Variants in ENPP7 observed in about 807,000 individuals in gnomAD.
ENPP7 encodes ectonucleotide pyrophosphatase/phosphodiesterase family member 7.
Under a neutral mutation model 33.6 loss-of-function variants are expected in ENPP7, and 39 were observed. That is an observed-to-expected ratio of 1.16 (90% CI 0.90 to 1.52). The LOEUF (loss-of-function observed/expected upper bound fraction) is 1.52. Among genes scored for constraint, ENPP7 ranks in the 40% most tolerant of loss-of-function variants. ENPP7 has a pLI of 0.00. For missense variants in ENPP7, 594 were observed against 641.0 expected, an observed-to-expected ratio of 0.93 and a Z score of 0.79; for synonymous variants, 244 against 274.3, an observed-to-expected ratio of 0.89 and a Z score of 1.09.
rs11654798 is a variant in ENPP7, at chr17:79,736,537, G to A, written c.1027-504G>A. Among the ~76,000 whole-genome samples the A allele has an allele frequency of 0.016, 467 of 28,538 alleles. 2 individuals are homozygous for A. In the African/African-American group the frequency reaches 0.23, roughly 14 times the overall value. 18.7% of individuals were successfully genotyped at this position (28,538 alleles called of 152,430 possible). A position where few individuals can be genotyped will look rare whatever the true frequency, so the allele number is the denominator to read the frequency against. ...CATGACCAGGCACTGTGTGATAGGCGTGTGTGTGTGTGTGTGTGTGTGTGT... is the reference window on the plus strand; with the variant it reads ...CATGACCAGGCACTGTGTGATAGGCATGTGTGTGTGTGTGTGTGTGTGTGT... On this transcript the variant is annotated intron_variant, in intron 3 of 5. Coordinates refer to ENST00000328313, the MANE Select transcript of ENPP7 (RefSeq NM_178543.5).
In ENPP7 at chr17:79,735,212, TG is replaced by T. The variant is rs782414486; in HGVS notation, c.571del (p.Val191SerfsTer51). 14 of 1,613,272 alleles carry T rather than the reference TG, an allele frequency of 8.7e-6. No individual in the cohort carries two copies. The highest frequency in any genetic ancestry group is 1.2e-5 in the Non-Finnish European group (14 of 1,180,014). On this transcript the variant is annotated frameshift_variant, in exon 3 of 6. Coordinates refer to ENST00000328313, the MANE Select transcript of ENPP7 (RefSeq NM_178543.5). LOFTEE classifies it high-confidence loss of function. The surrounding 1 kb of genome is among the most constrained non-coding windows in gnomAD (Gnocchi z 5.5). ...MAWFTEEDLDLVTLYFGEPDS... is the reference protein window; with the variant it reads ...MAWFTEEDLDXVTLYFGEPDS... ...TGGTTCACAGAGGAGGACCTGGATC[TG>T]GTCACACTCTACTTCGGGGAGCCGG...
Position 79,735,135 on chromosome 17 carries a change from C to T in ENPP7, c.492C>T (p.His164=). ...GGAGCCGGAAAGAAGGCATCGCACA[C>T]AACTACAAAAATGAGACGGAGTGGA... The part of the protein sequence containing the change: ...VTRSRKEGIA[H]NYKNETEWRA... The change falls in exon 3 of 6, where the codon CAC becomes CAT. Residue 164 remains histidine, a synonymous_variant. Coordinates refer to ENST00000328313, the MANE Select transcript of ENPP7 (RefSeq NM_178543.5). This position sits in a 1 kb window ranked among gnomAD's most constrained non-coding sequence, Gnocchi z 5.5. The T allele has an allele frequency of 6.2e-7, 1 of 1,613,176 alleles. No individual in the cohort carries two copies. Among genetic ancestry groups the T allele is most frequent in the South Asian group, 1.1e-5 (1 of 91,082 alleles).
At position 79,737,327 on chromosome 17, in the gene ENPP7, G is replaced by A. The variant is rs538388400; in HGVS notation, c.1246+67G>A. The A allele has an allele frequency of 7.4e-6, 10 of 1,357,760 alleles. No homozygotes were observed. The South Asian group carries it at 1.1e-4, about 15-fold the overall frequency. The allele number at this position is 1,357,760 out of a possible 1,614,324, so 84.1% of individuals were successfully genotyped here. A position where few individuals can be genotyped will look rare whatever the true frequency, so the allele number is the denominator to read the frequency against. Reference sequence around the variant, plus strand: ...TACACGTGTGCACACGAGGGTGCCTGCATGCCTGTGACCAGGACACCCTTG... The same window carrying A: ...TACACGTGTGCACACGAGGGTGCCTACATGCCTGTGACCAGGACACCCTTG... On this transcript the variant is annotated intron_variant, in intron 4 of 5. Coordinates refer to ENST00000328313, the MANE Select transcript of ENPP7 (RefSeq NM_178543.5). The surrounding 1 kb of genome is among the most constrained non-coding windows in gnomAD (Gnocchi z 5.5).
chr17:79,740,539 A>G (rs1325523133), intron 5 of ENPP7, among the ~76,000 whole-genome samples: 1 of 152,234 alleles, frequency 6.6e-6, no homozygotes, highest in African/African-American at 2.4e-5. Flanking sequence ...TAAGGTTTCC[A>G]TGGCGCTAGA....
chr17:79,735,709 T>A lies in ENPP7; in HGVS notation c.1026+40T>A, dbSNP rs782460538. The A allele has an allele frequency of 1.4e-5, 22 of 1,537,094 alleles. No individual in the cohort carries two copies. In the South Asian group the frequency reaches 2.4e-4, roughly 17 times the overall value. On this transcript the variant is annotated intron_variant, in intron 3 of 5. Coordinates refer to ENST00000328313, the MANE Select transcript of ENPP7 (RefSeq NM_178543.5). The surrounding 1 kb of genome is among the most constrained non-coding windows in gnomAD (Gnocchi z 5.5). ...GGAGGCACCACCTCCAGGGGCTCCC[T>A]CCCCAGGCTCTGGGTCTTCTTTTTT...
At chr17:79,732,255 T>C (rs1375539002) in intron 1 of ENPP7, among the ~76,000 whole-genome samples, 4 of 149,216 alleles carry the variant, frequency 2.7e-5, no homozygotes, top group African/African-American at 9.9e-5. Flanking sequence ...CCAGCCTGGG[T>C]GACAGAGCAA....
At chr17:79,736,556 T>TAC (rs2094296270) in intron 3 of ENPP7, among the ~76,000 whole-genome samples, 2 of 147,628 alleles carry the variant, frequency 1.4e-5, no homozygotes, top group African/African-American at 4.9e-5. Context: ...TGTGTGTGTG[T>TAC]GTGTGTGTGT....
In ENPP7 at chr17:79,737,919, C is replaced by G. The variant is rs782484935; in HGVS notation, c.1250C>G (p.Ser417Cys). 2.1e-5 allele frequency: 34 copies of G among 1,613,662 alleles called. No homozygotes were observed. Among genetic ancestry groups the G allele is most frequent in the Middle Eastern group, 3.3e-4 (2 of 6,076 alleles). ...ATLLPMLHTESALPPDGRPTL... is the reference protein window; with the variant it reads ...ATLLPMLHTECALPPDGRPTL... ...CAGGTCCTCTGGCTTTCCTTAGAAT[C>G]TGCTCTTCCGCCTGATGGAAGGCCT... Residue 417 changes from serine to cysteine, a missense_variant, in exon 5 of 6, where the codon TCT becomes TGT. Physicochemically the swap from Ser to Cys is moderately radical, Grantham distance 112. Coordinates refer to ENST00000328313, the MANE Select transcript of ENPP7 (RefSeq NM_178543.5). The surrounding 1 kb of genome is among the most constrained non-coding windows in gnomAD (Gnocchi z 5.5).
rs200958461 is a variant in ENPP7, at chr17:79,735,081, C to T, written c.438C>T (p.Asn146=). 2.2e-5 allele frequency: 35 copies of T among 1,612,900 alleles called. No homozygotes were observed. The South Asian group carries it at 2.2e-4, about 10-fold the overall frequency. ...RAGSFFYPGG[N]VTYQGVAVTR... ...GCTCCTTCTTCTACCCGGGCGGGAACGTCACCTACCAAGGGGTGGCTGTGA... is the reference window on the plus strand; with the variant it reads ...GCTCCTTCTTCTACCCGGGCGGGAATGTCACCTACCAAGGGGTGGCTGTGA... Residue 146 remains asparagine (N), a synonymous_variant, in exon 3 of 6, where the codon AAC becomes AAT. Transcript: ENST00000328313. The surrounding 1 kb of genome is among the most constrained non-coding windows in gnomAD (Gnocchi z 5.5).
chr17:79,740,208 C>A (rs1205293401), intron 5 of ENPP7, among the ~76,000 whole-genome samples: 1 of 152,056 alleles, frequency 6.6e-6, no homozygotes, highest in Non-Finnish European at 1.5e-5. Flanking sequence ...CAAAATAAAT[C>A]AATGAAAGAG....
chr17:79,735,726 T>G lies in ENPP7; in HGVS notation c.1026+57T>G, dbSNP rs2094294541. On this transcript the variant is annotated intron_variant, in intron 3 of 5. Coordinates refer to ENST00000328313, the MANE Select transcript of ENPP7 (RefSeq NM_178543.5). The surrounding 1 kb of genome is among the most constrained non-coding windows in gnomAD (Gnocchi z 5.5). ...GGGCTCCCTCCCCAGGCTCTGGGTC[T>G]TCTTTTTTTTTTTTTGAGACCAGGG... 6.7e-7 allele frequency: 1 copy of G among 1,487,088 alleles called. No individual in the cohort carries two copies. 92.1% of individuals were successfully genotyped at this position (1,487,088 alleles called of 1,614,324 possible). A position where few individuals can be genotyped will look rare whatever the true frequency, so the allele number is the denominator to read the frequency against.
chr17:79,732,157 C>CACATAT (rs1555822693), intron 1 of ENPP7, among the ~76,000 whole-genome samples: 1 of 73,308 alleles, frequency 1.4e-5, no homozygotes, highest in Non-Finnish European at 2.7e-5. Context: ...TATACACACA[C>CACATAT]ATATATATAT....
At position 79,737,017 on chromosome 17, in the gene ENPP7, G is replaced by C; in HGVS notation, c.1027-24G>C. The C allele has an allele frequency of 6.2e-7, 1 of 1,609,890 alleles. No homozygotes were observed. ...GTCTGTTGCTCCCAGCAAGGACCCAGGACCCTTGCCCGCTCCCCGGCAGAG... is the reference window on the plus strand; with the variant it reads ...GTCTGTTGCTCCCAGCAAGGACCCACGACCCTTGCCCGCTCCCCGGCAGAG... On this transcript the variant is annotated intron_variant, in intron 3 of 5. Coordinates refer to ENST00000328313, the MANE Select transcript of ENPP7 (RefSeq NM_178543.5). This position sits in a 1 kb window ranked among gnomAD's most constrained non-coding sequence, Gnocchi z 5.5.
intron 5 of ENPP7, among the ~76,000 whole-genome samples, chr17:79,740,245 A>G (rs181594543): frequency 6.6e-6 from 1 of 152,248 alleles, no homozygotes; most frequent in African/African-American, 2.4e-5. Context: ...GGTTTAGAGA[A>G]GTAGGAATGT....
Position 79,731,342 on chromosome 17 carries a change from C to T in ENPP7, c.203C>T (p.Thr68Ile), listed in dbSNP as rs782559987. The T allele has an allele frequency of 1.9e-6, 3 of 1,613,368 alleles. No individual in the cohort carries two copies. Among genetic ancestry groups the T allele is most frequent in the Non-Finnish European group, 2.5e-6 (3 of 1,179,762 alleles). ...ARDGVKARYM[T>I]PAFVTMTSPC... ...GACGGGGTGAAGGCACGCTACATGA[C>T]CCCCGCCTTTGTCACCATGACCAGC... is the stretch of plus-strand genomic sequence containing the variant. Residue 68 changes from threonine to isoleucine, a missense_variant, in exon 1 of 6, where the codon ACC (threonine) becomes ATC (isoleucine). Around this residue, in one of 3 missense-constraint regions of ENPP7, gnomAD observed 85 missense variants for 111.3 expected, o/e 0.76. Coordinates refer to ENST00000328313, the MANE Select transcript of ENPP7 (RefSeq NM_178543.5).
At position 79,735,645 on chromosome 17, in the gene ENPP7, C is replaced by T. The variant is rs549836960; in HGVS notation, c.1002C>T (p.Ser334=). ...GGGTCACACCCCTGCTGATGTACAG[C>T]GACCTTGGCTACGTCATCCATGGGG... ...NPRVTPLLMY[S]DLGYVIHGRI... The change falls in exon 3 of 6, where the codon AGC becomes AGT. Residue 334 remains serine (S), a synonymous_variant. Transcript: ENST00000328313. This position sits in a 1 kb window ranked among gnomAD's most constrained non-coding sequence, Gnocchi z 5.5. 6 of 1,610,310 alleles carry T rather than the reference C, an allele frequency of 3.7e-6. No homozygotes were observed. The highest frequency in any genetic ancestry group is 4.5e-5 in the East Asian group (2 of 44,788).
In ENPP7 at chr17:79,736,942, T is replaced by A. The variant is rs1163856089; in HGVS notation, c.1027-99T>A. On this transcript the variant is annotated intron_variant, in intron 3 of 5. Coordinates refer to ENST00000328313, the MANE Select transcript of ENPP7 (RefSeq NM_178543.5). ...GGAACCCCTCCAGCCCTCACGTTGG[T>A]GCTCCTTCCTAAGGGGGTGTTCATA... 6 of 936,840 alleles carry A rather than the reference T, an allele frequency of 6.4e-6. No homozygotes were observed. In the African/African-American group the frequency reaches 9.7e-5, roughly 15 times the overall value. 58.0% of individuals were successfully genotyped at this position (936,840 alleles called of 1,614,324 possible). A position where few individuals can be genotyped will look rare whatever the true frequency, so the allele number is the denominator to read the frequency against.
At chr17:79,732,121 CATATATATATGTATAT>C (rs1444653791) in intron 1 of ENPP7, among the ~76,000 whole-genome samples, 1 of 48,780 alleles carries the variant, frequency 2.1e-5, no homozygotes, top group African/African-American at 7.1e-5. Context: ...TATATATATA[CATATATATATGTATAT>C]ATATATATAT....
At position 79,735,465 on chromosome 17, in the gene ENPP7, GTT is replaced by G; in HGVS notation, c.824_825del (p.Phe275Ter). 1 of 1,614,112 alleles carries G rather than the reference GTT, an allele frequency of 6.2e-7. No homozygotes were observed. The highest frequency in any genetic ancestry group is 8.5e-7 in the Non-Finnish European group (1 of 1,180,026). The stretch of plus-strand genomic sequence containing the variant: ...CCAACTTCACCTTCCGGGACATCGA[GTT>G]TGAGCTCCTGGACTACGGACCAAAC... ...FPNFTFRDIEFELLDYGPNGM... is the reference protein window; with the variant it reads ...FPNFTFRDIEXELLDYGPNGM... On this transcript the variant is annotated frameshift_variant, in exon 3 of 6. Coordinates refer to ENST00000328313, the MANE Select transcript of ENPP7 (RefSeq NM_178543.5). LOFTEE classifies it high-confidence loss of function. This position sits in a 1 kb window ranked among gnomAD's most constrained non-coding sequence, Gnocchi z 5.5.
Sources: allele counts gnomAD v4.1 joint callset (sites outside exome capture counted in the v4.1 genomes callset), GRCh38; gene constraint gnomAD v4.1.1; regional missense constraint gnomAD v4.1.1; non-coding constraint Gnocchi (gnomAD v3.1); transcripts MANE v1.5; gene names NCBI Gene and HGNC (gene_info 2026-07-23, HGNC 2026-07-21).